The following PTPRR variants were observed in gnomAD, a reference collection of about 807,000 sequenced individuals.
The protein encoded by PTPRR is receptor-type tyrosine-protein phosphatase R.
In PTPRR, 38 loss-of-function variants were observed where a neutral mutation model predicts 77.2. The ratio of observed to expected loss-of-function variants is 0.49; its 90% CI spans 0.38 to 0.65. The LOEUF (loss-of-function observed/expected upper bound fraction) is 0.65, where lower values mean the gene tolerates loss of function less well. Ranked by LOEUF, PTPRR falls within the 30% of genes least tolerant of loss-of-function variation. PTPRR has a pLI of 0.00. For missense variants in PTPRR, 744 were observed against 799.2 expected (o/e 0.93, Z 0.83); for synonymous variants, 299 against 283.1 (o/e 1.06, Z -0.57).
At chr12:70,732,629 C>G (rs373690290) in intron 6 of PTPRR, among the ~76,000 whole-genome samples, 9 of 152,232 alleles carry the variant, frequency 5.9e-5, no homozygotes, top group African/African-American at 2.2e-4. Flanking sequence ...GGCATGATCT[C>G]AGCTCATTGC....
chr12:70,792,615 A>C (rs1047731682), intron 2 of PTPRR, among the ~76,000 whole-genome samples: 1 of 152,196 alleles, frequency 6.6e-6, no homozygotes, highest in African/African-American at 2.4e-5. Context: ...TTTAAGTTTC[A>C]AATAATTTTC....
chr12:70,722,420 A>C (rs1258675611), intron 6 of PTPRR, among the ~76,000 whole-genome samples: 3 of 152,018 alleles, frequency 2.0e-5, no homozygotes, highest in Non-Finnish European at 4.4e-5. Context: ...TTTTAGTACC[A>C]CTCTCGTTAA....
chr12:70,813,089 T>G (rs1891838817), intron 2 of PTPRR, among the ~76,000 whole-genome samples: 1 of 152,204 alleles, frequency 6.6e-6, no homozygotes, highest in Non-Finnish European at 1.5e-5. Context: ...AACTCTCTCT[T>G]GTATAATATG....
intron 6 of PTPRR, among the ~76,000 whole-genome samples, chr12:70,733,426 A>C (rs12370825): frequency 4.4e-5 from 1 of 22,644 alleles, no homozygotes; most frequent in South Asian, 2.5e-3. Flanking sequence ...ACAAACAACA[A>C]CAAAAAAAAA....
At chr12:70,719,846 A>G (rs550625744) in intron 6 of PTPRR, among the ~76,000 whole-genome samples, 2 of 152,204 alleles carry the variant, frequency 1.3e-5, no homozygotes, top group African/African-American at 2.4e-5. Flanking sequence ...TTCTTTGTTT[A>G]TCTGATTTGC....
intron 2 of PTPRR, among the ~76,000 whole-genome samples, chr12:70,838,900 A>G (rs1892349044): frequency 6.6e-6 from 1 of 152,144 alleles, no homozygotes; most frequent in Admixed American, 6.6e-5. Context: ...TTTGTTAACT[A>G]GTAGAATCTT....
intron 2 of PTPRR, among the ~76,000 whole-genome samples, chr12:70,767,668 A>AT (rs1408535581): frequency 6.6e-6 from 1 of 152,208 alleles, no homozygotes; most frequent in African/African-American, 2.4e-5. Flanking sequence ...AGCAGACCTA[A>AT]TAGACATCTA....
At chr12:70,849,022 A>AT (rs1486931330) in intron 2 of PTPRR, among the ~76,000 whole-genome samples, 1 of 152,164 alleles carries the variant, frequency 6.6e-6, no homozygotes, top group African/African-American at 2.4e-5. Flanking sequence ...ACCATTTATA[A>AT]TTTTTTGTTT....
At chr12:70,724,889 T>A (rs1035836319) in intron 6 of PTPRR, among the ~76,000 whole-genome samples, 3 of 152,172 alleles carry the variant, frequency 2.0e-5, no homozygotes, top group African/African-American at 7.2e-5. Flanking sequence ...TAGGAAATAA[T>A]CTTTATTTTT....
chr12:70,704,727 CTT>C (rs1178919450), intron 6 of PTPRR, among the ~76,000 whole-genome samples: 1 of 151,748 alleles, frequency 6.6e-6, no homozygotes, highest in African/African-American at 2.4e-5. Context: ...AACATATAAA[CTT>C]ATGGGAAAAT....
chr12:70,714,688 T>C (rs949178398), intron 6 of PTPRR, among the ~76,000 whole-genome samples: 12 of 152,196 alleles, frequency 7.9e-5, no homozygotes, highest in African/African-American at 2.9e-4. Flanking sequence ...GAACATAATA[T>C]AAGTTTCTCC....
chr12:70,685,032 T>A, intron 8 of PTPRR: 1 of 314,876 alleles, frequency 3.2e-6, no homozygotes, highest in Non-Finnish European at 5.8e-6. Context: ...ATTTCTCATC[T>A]GTTCCGGTTC....
chr12:70,672,622 T>G, intron 10 of PTPRR: 9 of 1,505,216 alleles, frequency 6.0e-6, no homozygotes, highest in Non-Finnish European at 7.3e-6. Flanking sequence ...CTTAAAGACC[T>G]GCTGCCAAGT....
chr12:70,846,961 C>T (rs1471108486), intron 2 of PTPRR, among the ~76,000 whole-genome samples: 1 of 152,088 alleles, frequency 6.6e-6, no homozygotes, highest in Non-Finnish European at 1.5e-5. Context: ...CCTCTTCCCT[C>T]CCTCTCATGC....
intron 2 of PTPRR, among the ~76,000 whole-genome samples, chr12:70,864,210 A>G (rs1391707295): frequency 2.6e-5 from 4 of 152,128 alleles, no homozygotes; most frequent in African/African-American, 9.7e-5. Context: ...CCCTAGCATG[A>G]CCCATTTGAC....
chr12:70,706,092 T>A (rs1216604346), intron 6 of PTPRR, among the ~76,000 whole-genome samples: 4 of 151,976 alleles, frequency 2.6e-5, no homozygotes, highest in Non-Finnish European at 5.9e-5. Flanking sequence ...AGTGGAGAAA[T>A]GGAGAGATGG....
chr12:70,639,229 A>G lies in PTPRR; in HGVS notation c.1929T>C (p.Ala643=), dbSNP rs747400938. The change falls in exon 14 of 14, where the codon GCT becomes GCC. Residue 643 remains alanine (A), a synonymous_variant. Transcript: ENST00000283228. ...AAAGTCTGCTCTCATACAGGCACAG[A>G]GCATGGTGCACAAATTCATACTGCT... ...TSEQYEFVHH[A]LCLYESRLSA... is the part of the protein sequence containing the mutation. The G allele has an allele frequency of 1.2e-6, 2 of 1,613,646 alleles. No individual in the cohort carries two copies. Among genetic ancestry groups the G allele is most frequent in the South Asian group, 2.2e-5 (2 of 91,084 alleles).
chr12:70,832,865 G>C (rs1892238745), intron 2 of PTPRR, among the ~76,000 whole-genome samples: 2 of 152,164 alleles, frequency 1.3e-5, no homozygotes, highest in Admixed American at 1.3e-4. Context: ...GGGAGGTGAA[G>C]GGGGAGCAGG....
chr12:70,713,565 C>CTTTT (rs35168919), intron 6 of PTPRR, among the ~76,000 whole-genome samples: 12,045 of 140,532 alleles, frequency 0.086, 700 homozygotes, highest in South Asian at 0.11. Context: ...TTGCTGCTGC[C>CTTTT]TTTTTTTTTT....
Sources: allele counts gnomAD v4.1 joint callset (sites outside exome capture counted in the v4.1 genomes callset), GRCh38; gene constraint gnomAD v4.1.1; transcripts MANE v1.5; gene names NCBI Gene and HGNC (gene_info 2026-07-23, HGNC 2026-07-21).